Variants in DBNL observed in about 807,000 individuals in gnomAD.
DBNL encodes drebrin like.
A neutral mutation model predicts 62.2 loss-of-function variants in DBNL; 35 were observed. That is an observed-to-expected ratio of 0.56 (90% confidence interval 0.43 to 0.75). The LOEUF is 0.75. Among genes scored for constraint, DBNL ranks in the 30% least tolerant of loss-of-function variants. DBNL has a pLI of 0.00. For missense variants in DBNL, 495 were observed against 578.4 expected, an observed-to-expected ratio of 0.86 and a Z score of 1.48; for synonymous variants, 197 against 218.0, an observed-to-expected ratio of 0.90 and a Z score of 0.85.
At chr7:44,047,729 A>G (rs1310459896) in intron 1 of DBNL, among the ~76,000 whole-genome samples, 1 of 152,130 alleles carries the variant, frequency 6.6e-6, no homozygotes, top group African/African-American at 2.4e-5. Context: ...AGGCCAGTGC[A>G]CCATGTTTTT....
At position 44,059,924 on chromosome 7, in the gene DBNL, G is replaced by A; in HGVS notation, c.1048-124G>A. On this transcript the variant is annotated intron_variant, in intron 11 of 12. Coordinates refer to ENST00000448521, the MANE Select transcript of DBNL (RefSeq NM_001014436.3). The surrounding 1 kb of genome is among the most constrained non-coding windows in gnomAD (Gnocchi z 4.1). ...GTAGGGCGGGGACAGCAGCAGCCCA[G>A]CCCCCGAGCCTGTAGACTGCTTGCC... The A allele has an allele frequency of 1.0e-6, 1 of 963,592 alleles. No individual in the cohort carries two copies. The highest frequency in any genetic ancestry group is 1.6e-6 in the Non-Finnish European group (1 of 632,502). 59.7% of individuals were successfully genotyped at this position (963,592 alleles called of 1,614,324 possible).
At position 44,065,286 on chromosome 7, in the gene DBNL, C is replaced by A. The variant is rs528467394; in HGVS notation, c.*4370C>A. On this transcript the variant is annotated 3_prime_UTR_variant, in exon 13 of 13. Transcript: ENST00000448521. ...CGCTCATTGAGGCGCCAAGTGCGCA[C>A]CACAGGCAGCCACATCTGGTCCGTG... 162 of 1,613,560 alleles carry A rather than the reference C, an allele frequency of 1.0e-4. No individual in the cohort carries two copies. The highest frequency in any genetic ancestry group is 1.4e-4 in the Non-Finnish European group (160 of 1,180,062).
chr7:44,056,661 T>C (rs2096136907), intron 4 of DBNL, 96 bp from the exon 5 acceptor site: 2 of 1,485,406 alleles, frequency 1.3e-6, no homozygotes, highest in African/African-American at 1.4e-5. Flanking sequence ...CAGTCCTGTG[T>C]GGTATAGTAG....
At chr7:44,044,966 C>T in intron 1 of DBNL, 146 bp downstream of exon 1, 1 of 689,388 alleles carries the variant, frequency 1.5e-6, no homozygotes, top group Non-Finnish European at 2.2e-6. Flanking sequence ...GTCTGCCCCT[C>T]CACACCGCAG....
At chr7:44,055,426 A>C (rs1201592403) in intron 4 of DBNL, among the ~76,000 whole-genome samples, 1 of 152,196 alleles carries the variant, frequency 6.6e-6, no homozygotes, top group African/African-American at 2.4e-5. Flanking sequence ...GAGATTGTCC[A>C]CTGCACTCCA....
intron 4 of DBNL, among the ~76,000 whole-genome samples, chr7:44,054,085 G>A (rs927898583): frequency 6.6e-6 from 1 of 152,230 alleles, no homozygotes; most frequent in Non-Finnish European, 1.5e-5. Flanking sequence ...TATAGCAACA[G>A]TGAATGACGT....
intron 4 of DBNL, among the ~76,000 whole-genome samples, chr7:44,056,335 C>T (rs1251835685): frequency 6.6e-6 from 1 of 152,190 alleles, no homozygotes; most frequent in Non-Finnish European, 1.5e-5. Context: ...TAGCATGAAG[C>T]CTCCAGCTTT....
At chr7:44,054,619 ATCTTT>A (rs1350060627) in intron 4 of DBNL, among the ~76,000 whole-genome samples, 5 of 152,204 alleles carry the variant, frequency 3.3e-5, no homozygotes, top group Admixed American at 3.3e-4. Context: ...TCAAACATTT[ATCTTT>A]TCTTTGTGTT....
intron 1 of DBNL, among the ~76,000 whole-genome samples, chr7:44,047,445 C>T (rs2128788824): frequency 6.6e-6 from 1 of 152,312 alleles, no homozygotes; most frequent in Admixed American, 6.5e-5. Flanking sequence ...CATCTTGGAT[C>T]TGTCTCCCGC....
Position 44,064,529 on chromosome 7 carries a change from G to A in DBNL, c.*3613G>A. The A allele has an allele frequency of 2.2e-6, 1 of 447,870 alleles. No individual in the cohort carries two copies. The highest frequency in any genetic ancestry group is 2.1e-5 in the South Asian group (1 of 47,338). The allele number at this position is 447,870 out of a possible 1,614,324, so 27.7% of individuals were successfully genotyped here. The stretch of plus-strand genomic sequence containing the variant: ...TGGGATTTGGAGCCAGATGCTCTAA[G>A]CCCAGCCCTTCCGTTTCCTAGCTGG... On this transcript the variant is annotated 3_prime_UTR_variant, in exon 13 of 13. Coordinates refer to ENST00000448521, the MANE Select transcript of DBNL (RefSeq NM_001014436.3).
chr7:44,052,299 C>T (rs1436522329), intron 3 of DBNL, among the ~76,000 whole-genome samples: 1 of 151,864 alleles, frequency 6.6e-6, no homozygotes. Context: ...CTCCTTGATC[C>T]CTTGGTGGGG....
chr7:44,058,918 C>T lies in DBNL; in HGVS notation c.770C>T (p.Pro257Leu), dbSNP rs112769270. The T allele has an allele frequency of 2.5e-5, 40 of 1,613,610 alleles. No individual in the cohort carries two copies. The highest frequency in any genetic ancestry group is 3.3e-5 in the Admixed American group (2 of 59,952). Residue 257 changes from proline to leucine, a missense_variant, in exon 9 of 13, where the codon CCG becomes CTG. Transcript: ENST00000448521. ...TCCCTCCAGGAGTCTGCCGTGCACC[C>T]GAGGGAGATTTTCAAGCAGAAGGAG... The part of the protein sequence containing the change: ...NRNEQESAVH[P>L]REIFKQKERA...
intron 4 of DBNL, among the ~76,000 whole-genome samples, chr7:44,056,047 G>A (rs2096135630): frequency 6.6e-6 from 1 of 152,094 alleles, no homozygotes; most frequent in African/African-American, 2.4e-5. Flanking sequence ...ATAGTTTCAG[G>A]TCTTACATTT....
chr7:44,065,617 A>G lies in DBNL; in HGVS notation c.*4701A>G. On this transcript the variant is annotated 3_prime_UTR_variant, in exon 13 of 13. Transcript: ENST00000448521. ...TTATAATAGTGTCTTCCCAGCCCCCACCCACCCCAGCCAACTGCCAATCAG... is the reference window on the plus strand; with the variant it reads ...TTATAATAGTGTCTTCCCAGCCCCCGCCCACCCCAGCCAACTGCCAATCAG... The G allele has an allele frequency of 7.6e-7, 1 of 1,322,458 alleles. No individual in the cohort carries two copies. The allele number at this position is 1,322,458 out of a possible 1,614,324, so 81.9% of individuals were successfully genotyped here. A position where few individuals can be genotyped will look rare whatever the true frequency, so the allele number is the denominator to read the frequency against.
rs544416893 is a variant in DBNL, at chr7:44,049,344, G to A, written c.84-881G>A. Among the ~76,000 whole-genome samples, 8 of 152,284 alleles carry A rather than the reference G, an allele frequency of 5.3e-5. No individual in the cohort carries two copies. The South Asian group carries it at 1.7e-3, about 32-fold the overall frequency. Reference sequence around the variant, plus strand: ...GCTGATTTTTTGTATTTTTAGTAGAGATGGGATTTCACCGTGTTAGCCAGA... The same window carrying A: ...GCTGATTTTTTGTATTTTTAGTAGAAATGGGATTTCACCGTGTTAGCCAGA... On this transcript the variant is annotated intron_variant, in intron 1 of 12. Coordinates refer to ENST00000448521, the MANE Select transcript of DBNL (RefSeq NM_001014436.3).
In DBNL at chr7:44,057,769, C is replaced by T. The variant is rs756927337; in HGVS notation, c.475-13C>T. 6.2e-6 allele frequency: 10 copies of T among 1,613,990 alleles called. No individual in the cohort carries two copies. In the South Asian group the frequency reaches 1.1e-4, roughly 18 times the overall value. Reference sequence around the variant, plus strand: ...CCTGGGTCCAGGTCTCTAATGAGTGCTGTCCCCTACAGGGCTCTGTGTACC... The same window carrying T: ...CCTGGGTCCAGGTCTCTAATGAGTGTTGTCCCCTACAGGGCTCTGTGTACC... On this transcript the variant is annotated splice_polypyrimidine_tract_variant and intron_variant, in intron 5 of 12. Transcript: ENST00000448521.
chr7:44,058,277 A>G lies in DBNL; in HGVS notation c.701A>G (p.Gln234Arg), dbSNP rs1479470709. 3 of 1,575,778 alleles carry G rather than the reference A, an allele frequency of 1.9e-6. No homozygotes were observed. Among genetic ancestry groups the G allele is most frequent in the Non-Finnish European group, 2.6e-6 (3 of 1,160,928 alleles). Residue 234 changes from glutamine to arginine, a missense_variant, in exon 7 of 13, where the codon CAG becomes CGG. By Grantham distance (43) the Gln-to-Arg change is conservative. Coordinates refer to ENST00000448521, the MANE Select transcript of DBNL (RefSeq NM_001014436.3). The stretch of plus-strand genomic sequence containing the variant: ...GAGCAGGGTGGCGAGGCCAGCCCCC[A>G]GAGGTGAGCCAGAGGTGGAGGCTGG... ...YQEQGGEASP[Q>R]RTWEQQQEVV...
At position 44,065,020 on chromosome 7, in the gene DBNL, A is replaced by G. The variant is rs779305853; in HGVS notation, c.*4104A>G. On this transcript the variant is annotated 3_prime_UTR_variant, in exon 13 of 13. Transcript: ENST00000448521. ...GCCTGCGTACCGACGCTCCTGGGGG[A>G]CACAGGCACGCTGCTTTCCCTCCCA... The G allele has an allele frequency of 1.2e-6, 2 of 1,606,450 alleles. No individual in the cohort carries two copies. Among genetic ancestry groups the G allele is most frequent in the Admixed American group, 1.7e-5 (1 of 59,874 alleles).
At position 44,059,056 on chromosome 7, in the gene DBNL, C is replaced by T. The variant is rs1169226754; in HGVS notation, c.835+73C>T. On this transcript the variant is annotated intron_variant, in intron 9 of 12. Coordinates refer to ENST00000448521, the MANE Select transcript of DBNL (RefSeq NM_001014436.3). This position sits in a 1 kb window ranked among gnomAD's most constrained non-coding sequence, Gnocchi z 4.1. ...GGGAGCCTGGGGTCCTATGTGGGCTCCCCCAAGGCTAGTGACAGATATATC... is the reference window on the plus strand; with the variant it reads ...GGGAGCCTGGGGTCCTATGTGGGCTTCCCCAAGGCTAGTGACAGATATATC... The T allele has an allele frequency of 6.6e-6, 10 of 1,509,152 alleles. No homozygotes were observed. Among genetic ancestry groups the T allele is most frequent in the South Asian group, 5.7e-5 (5 of 88,042 alleles). The allele number at this position is 1,509,152 out of a possible 1,614,324, so 93.5% of individuals were successfully genotyped here.
Sources: gnomAD v4.1 joint callset for allele counts (sites outside exome capture counted in the v4.1 genomes callset) on GRCh38, gnomAD v4.1.1 for gene constraint, Gnocchi (gnomAD v3.1) non-coding constraint, MANE v1.5 for transcripts, NCBI Gene and HGNC (gene_info 2026-07-23, HGNC 2026-07-21) for gene names.